CEPT1: variants seen among roughly 807,000 people sequenced by gnomAD.
The protein encoded by CEPT1 is choline/ethanolaminephosphotransferase 1.
Under a neutral mutation model 42.6 loss-of-function variants are expected in CEPT1, and 7 were observed. The observed-to-expected ratio is 0.16, with a 90% CI of 0.09 to 0.31. CEPT1 has a LOEUF of 0.31. Ranked by LOEUF, CEPT1 falls within the 10% of genes least tolerant of loss-of-function variation. The probability of loss-of-function intolerance (pLI) is 1.00; values close to 1 mark genes in which losing one functional copy is unlikely to be tolerated. For missense variants in CEPT1, 306 were observed against 502.1 expected (o/e 0.61, Z 3.73); for synonymous variants, 171 against 171.9 (o/e 0.99, Z 0.04).
chr1:111,159,310 T>TA lies in CEPT1; in HGVS notation c.340-65dup, dbSNP rs1462063329. ...TCCAACTAGCTTTCCAACCTGCAGG[T>TA]AAAAATATGTTAGTCAAACATGGTA... On this transcript the variant is annotated intron_variant, in intron 2 of 8. Coordinates refer to ENST00000357172, the MANE Select transcript of CEPT1 (RefSeq NM_006090.5). The TA allele has an allele frequency of 4.7e-6, 7 of 1,487,576 alleles. No homozygotes were observed. The African/African-American group carries it at 1.0e-4, about 21-fold the overall frequency. The allele number at this position is 1,487,576 out of a possible 1,614,324, so 92.1% of individuals were successfully genotyped here. A position where few individuals can be genotyped will look rare whatever the true frequency, so the allele number is the denominator to read the frequency against.
chr1:111,169,475 A>G lies in CEPT1; in HGVS notation c.630-5404A>G, dbSNP rs113881806. On this transcript the variant is annotated intron_variant, in intron 4 of 8. Transcript: ENST00000357172. ...ATATCTACTTTCACCTTGTTTGTCTATGATAACAAAGTACCCTATATTTAT... is the reference window on the plus strand; with the variant it reads ...ATATCTACTTTCACCTTGTTTGTCTGTGATAACAAAGTACCCTATATTTAT... 4.5e-4 allele frequency among the ~76,000 whole-genome samples: 68 copies of G among 152,318 alleles called. 2 individuals are homozygous for G. The highest frequency in any genetic ancestry group is 1.6e-3 in the African/African-American group (65 of 41,572).
intron 2 of CEPT1, among the ~76,000 whole-genome samples, chr1:111,152,526 A>C (rs1571121308): frequency 6.6e-6 from 1 of 152,240 alleles, no homozygotes; most frequent in East Asian, 1.9e-4. Context: ...CATGTGGAAC[A>C]CACAGTACAC....
In CEPT1 at chr1:111,182,311, C is replaced by T; in HGVS notation, c.839C>T (p.Thr280Ile). Residue 280 changes from threonine (T) to isoleucine (I), a missense_variant, in exon 6 of 9, where the codon ACA becomes ATA. Around this residue, in one of 2 missense-constraint regions of CEPT1, gnomAD observed 253 missense variants for 447.3 expected, o/e 0.57. Coordinates refer to ENST00000357172, the MANE Select transcript of CEPT1 (RefSeq NM_006090.5). ...GGTGGTGTTGGCAAAAATGGATCAA[C>T]AATAGCAGTAAGTATACCTTAAGAT... ...FTGGVGKNGS[T>I]IAGTSVLSPF... 6.2e-7 allele frequency: 1 copy of T among 1,612,566 alleles called. No individual in the cohort carries two copies. The highest frequency in any genetic ancestry group is 8.5e-7 in the Non-Finnish European group (1 of 1,179,296).
chr1:111,142,148 T>C lies in CEPT1; in HGVS notation c.-74+1841T>C, dbSNP rs193101953. Among the ~76,000 whole-genome samples, 77 of 152,296 alleles carry C rather than the reference T, an allele frequency of 5.1e-4. 2 individuals are homozygous for C. In the East Asian group the frequency reaches 0.012, roughly 24 times the overall value. On this transcript the variant is annotated intron_variant, in intron 1 of 8. Transcript: ENST00000357172. ...CATATGCCATTATCCTCAGCTGATATAAATGCAGCCGTTTTGCATGATAGA... is the reference window on the plus strand; with the variant it reads ...CATATGCCATTATCCTCAGCTGATACAAATGCAGCCGTTTTGCATGATAGA...
chr1:111,179,660 G>A (rs1224989267), intron 5 of CEPT1: 5 of 152,120 alleles, frequency 3.3e-5, no homozygotes, highest in Non-Finnish European at 4.4e-5. Context: ...CCTTTGACTC[G>A]AGCTTTTCCT....
chr1:111,157,274 T>C (rs1317738146), intron 2 of CEPT1, among the ~76,000 whole-genome samples: 2 of 152,156 alleles, frequency 1.3e-5, no homozygotes, highest in Non-Finnish European at 2.9e-5. Context: ...AGCAACATTT[T>C]GCCCCATTAA....
At chr1:111,164,500 C>T (rs995755000) in intron 4 of CEPT1, among the ~76,000 whole-genome samples, 6 of 152,140 alleles carry the variant, frequency 3.9e-5, no homozygotes, top group Admixed American at 6.5e-5. Context: ...TTGCAAAATA[C>T]TCTTTAAGAT....
chr1:111,149,217 G>A (rs325922), intron 2 of CEPT1, among the ~76,000 whole-genome samples: 65,850 of 150,052 alleles, frequency 0.44, 15,202 homozygotes, highest in African/African-American at 0.6. Flanking sequence ...TTCTACTATT[G>A]CAAATACAGT....
At position 111,174,915 on chromosome 1, in the gene CEPT1, C is replaced by A; in HGVS notation, c.666C>A (p.Ile222=). The change falls in exon 5 of 9, where the codon ATC becomes ATA. Residue 222 remains isoleucine (I), a synonymous_variant. Coordinates refer to ENST00000357172, the MANE Select transcript of CEPT1 (RefSeq NM_006090.5). ...DVTEVQIFII[I]MHLLAVIGGP... Reference sequence around the variant, plus strand: ...CTGAAGTGCAAATCTTCATAATAATCATGCATTTGCTGGCAGTGATTGGAG... The same window carrying A: ...CTGAAGTGCAAATCTTCATAATAATAATGCATTTGCTGGCAGTGATTGGAG... The A allele has an allele frequency of 1.2e-6, 2 of 1,612,976 alleles. No individual in the cohort carries two copies. The highest frequency in any genetic ancestry group is 1.7e-6 in the Non-Finnish European group (2 of 1,179,160).
intron 4 of CEPT1, among the ~76,000 whole-genome samples, chr1:111,170,009 A>T (rs2101356350): frequency 6.6e-6 from 1 of 152,262 alleles, no homozygotes; most frequent in Middle Eastern, 3.4e-3. Context: ...GAAGAATGTA[A>T]TGTGCTTACT....
intron 5 of CEPT1, among the ~76,000 whole-genome samples, chr1:111,176,872 T>C (rs1469167048): frequency 1.3e-5 from 2 of 152,264 alleles, no homozygotes; most frequent in African/African-American, 2.4e-5. Context: ...GTGTTACTCC[T>C]GACTCTGAAT....
At chr1:111,182,589 C>T (rs1657044040) in intron 6 of CEPT1, 1 of 578,010 alleles carries the variant, frequency 1.7e-6, no homozygotes, top group Non-Finnish European at 2.9e-6. Flanking sequence ...TAAGCCTGGT[C>T]TCTTAAGTGA....
intron 6 of CEPT1, 138 bp downstream of exon 6, chr1:111,182,456 A>G: frequency 2.1e-6 from 2 of 962,624 alleles, no homozygotes; most frequent in South Asian, 3.2e-5. Context: ...CTAATGTTCA[A>G]AACTTCAATT....
At position 111,175,055 on chromosome 1, in the gene CEPT1, G is replaced by A. The variant is rs1656610056; in HGVS notation, c.714+92G>A. 3 of 812,826 alleles carry A rather than the reference G, an allele frequency of 3.7e-6. No homozygotes were observed. In the African/African-American group the frequency reaches 5.1e-5, roughly 14 times the overall value. The allele number at this position is 812,826 out of a possible 1,614,324, so 50.4% of individuals were successfully genotyped here. On this transcript the variant is annotated intron_variant, in intron 5 of 8. Transcript: ENST00000357172. ...GGATAATCCAGTTAAAGGGTAATGT[G>A]TGAAATTCTTTTATTTTTTTCCAAA... is the stretch of plus-strand genomic sequence containing the variant.
At chr1:111,163,360 T>A (rs553785934) in intron 4 of CEPT1, among the ~76,000 whole-genome samples, 1 of 152,334 alleles carries the variant, frequency 6.6e-6, no homozygotes, top group East Asian at 1.9e-4. Context: ...CCAGGCACAG[T>A]GGCTTATGCC....
In CEPT1 at chr1:111,184,395, ATATAATT is replaced by A. The variant is rs1232510762; in HGVS notation, c.*92_*98del. ...GGAGAATGGGGGTGGATAAGAACAAATATAATTTATAATAATCAATGTTGTATAACTT... is the reference window on the plus strand; with the variant it reads ...GGAGAATGGGGGTGGATAAGAACAAATATAATAATCAATGTTGTATAACTT... On this transcript the variant is annotated 3_prime_UTR_variant, in exon 9 of 9. Transcript: ENST00000357172. The A allele has an allele frequency of 9.9e-7, 1 of 1,007,636 alleles. No individual in the cohort carries two copies. Among genetic ancestry groups the A allele is most frequent in the Non-Finnish European group, 1.5e-6 (1 of 689,290 alleles). The allele number at this position is 1,007,636 out of a possible 1,614,324, so 62.4% of individuals were successfully genotyped here. A position where few individuals can be genotyped will look rare whatever the true frequency, so the allele number is the denominator to read the frequency against.
chr1:111,169,145 G>T (rs553965163), intron 4 of CEPT1, among the ~76,000 whole-genome samples: 1 of 152,262 alleles, frequency 6.6e-6, no homozygotes, highest in East Asian at 1.9e-4. Context: ...TAATATTTTT[G>T]ACCTGTGGTT....
At chr1:111,159,852 G>A (rs922826474) in intron 3 of CEPT1, 3 of 179,656 alleles carry the variant, frequency 1.7e-5, no homozygotes, top group African/African-American at 4.8e-5. Flanking sequence ...GGTAATTTGT[G>A]GTCTTCATAT....
intron 2 of CEPT1, among the ~76,000 whole-genome samples, chr1:111,158,370 T>A (rs79149881): frequency 0.027 from 4,124 of 151,826 alleles, 61 homozygotes; most frequent in African/African-American, 0.043. Context: ...ATAAATAAAT[T>A]AATTAATTAA....
Sources: gnomAD v4.1 joint callset for allele counts (sites outside exome capture counted in the v4.1 genomes callset) on GRCh38, gnomAD v4.1.1 for gene constraint, gnomAD v4.1.1 regional missense constraint, MANE v1.5 for transcripts, NCBI Gene and HGNC (gene_info 2026-07-23, HGNC 2026-07-21) for gene names.